The following PAK1 variants were observed in gnomAD, a reference collection of about 807,000 sequenced individuals.
PAK1 encodes the protein serine/threonine-protein kinase PAK 1.
In PAK1, 29 loss-of-function variants were observed where a neutral mutation model predicts 67.4. The ratio of observed to expected loss-of-function variants is 0.43; its 90% CI spans 0.32 to 0.59. The LOEUF (loss-of-function observed/expected upper bound fraction) is 0.59. Ranked by LOEUF, PAK1 falls within the 20% of genes least tolerant of loss-of-function variation. PAK1 has a pLI of 0.07. For missense variants in PAK1, 337 were observed against 670.7 expected (o/e 0.50, Z 5.50); for synonymous variants, 223 against 237.4 (o/e 0.94, Z 0.56).
intron 1 of PAK1, among the ~76,000 whole-genome samples, chr11:77,458,706 A>G (rs1957185928): frequency 6.6e-6 from 1 of 152,236 alleles, no homozygotes; most frequent in Non-Finnish European, 1.5e-5. Context: ...GGCTAATTTT[A>G]TAAGTCCCTA....
chr11:77,509,395 T>C, the PAK1 span, among the ~76,000 whole-genome samples: 3 of 152,352 alleles, frequency 2.0e-5, no homozygotes, highest in Non-Finnish European at 4.4e-5. Context: ...AAATGAATTA[T>C]CCATTATAAA....
the PAK1 span, among the ~76,000 whole-genome samples, chr11:77,492,191 CG>C: frequency 6.6e-6 from 1 of 151,990 alleles, no homozygotes; most frequent in Non-Finnish European, 1.5e-5. Flanking sequence ...AAAAGCTAGC[CG>C]GGCACGGTGG....
chr11:77,327,235 C>A (rs1022645052), intron 14 of PAK1, among the ~76,000 whole-genome samples: 25 of 152,124 alleles, frequency 1.6e-4, no homozygotes, highest in African/African-American at 6.0e-4. Context: ...GGAGAACTTC[C>A]CCAATCTAGC....
intron 1 of PAK1, among the ~76,000 whole-genome samples, chr11:77,453,516 T>TAAA (rs35089028): frequency 2.2e-5 from 3 of 139,240 alleles, no homozygotes; most frequent in African/African-American, 5.3e-5. Context: ...TGAGATATAT[T>TAAA]AAAAAAAAAA....
At chr11:77,422,320 G>T (rs1331427344) in intron 1 of PAK1, among the ~76,000 whole-genome samples, 3 of 152,210 alleles carry the variant, frequency 2.0e-5, no homozygotes, top group South Asian at 4.1e-4. Context: ...AGCACTCTGG[G>T]GAGGCTGAAG....
Position 77,336,177 on chromosome 11 carries a change from T to A in PAK1, c.1322A>T (p.Tyr441Phe). 6.2e-7 allele frequency: 1 copy of A among 1,613,896 alleles called. No homozygotes were observed. Among genetic ancestry groups the A allele is most frequent in the Non-Finnish European group, 8.5e-7 (1 of 1,179,748 alleles). The change falls in exon 13 of 15, where the codon TAT (tyrosine) becomes TTT (phenylalanine). Residue 441 changes from tyrosine (Y) to phenylalanine (F), a missense_variant. Physicochemically the swap from Tyr to Phe is conservative, Grantham distance 22. This residue lies in a region of PAK1 where 71 missense variants were observed against 160.5 expected (regional missense o/e 0.44). Coordinates refer to ENST00000356341, the MANE Select transcript of PAK1 (RefSeq NM_002576.5). ...MAPEVVTRKA[Y>F]GPKVDIWSLG... ...GGACCAGATGTCAACCTTGGGCCCA[T>A]AGGCCTTTCGTGTCACAACCTCTGG...
chr11:77,441,994 G>C (rs1426110583), intron 1 of PAK1, among the ~76,000 whole-genome samples: 1 of 152,104 alleles, frequency 6.6e-6, no homozygotes, highest in African/African-American at 2.4e-5. Flanking sequence ...ATTAATAGTA[G>C]AAAAATGAGA....
chr11:77,497,168 A>C, the PAK1 span, among the ~76,000 whole-genome samples: 1 of 152,222 alleles, frequency 6.6e-6, no homozygotes, highest in Admixed American at 6.5e-5. Context: ...CTCCAAGTCC[A>C]GGAAGGGGAA....
chr11:77,508,726 C>T, the PAK1 span, among the ~76,000 whole-genome samples: 1 of 144,364 alleles, frequency 6.9e-6, no homozygotes, highest in Non-Finnish European at 1.5e-5. Flanking sequence ...GTGGCGCGAT[C>T]TTGGCTCACT....
chr11:77,446,278 G>A (rs905997467), intron 1 of PAK1, among the ~76,000 whole-genome samples: 43 of 152,222 alleles, frequency 2.8e-4, no homozygotes, highest in African/African-American at 4.8e-4. Context: ...TTGGGAGGCC[G>A]AGGTGGGTGG....
intron 1 of PAK1, among the ~76,000 whole-genome samples, chr11:77,439,068 G>T (rs1193681703): frequency 6.6e-6 from 1 of 152,138 alleles, no homozygotes; most frequent in South Asian, 2.1e-4. Context: ...TGAGAGGCCA[G>T]TGATTCGAAG....
intron 1 of PAK1, among the ~76,000 whole-genome samples, chr11:77,405,674 G>GACACACACAC (rs1555167119): frequency 4.0e-5 from 5 of 125,878 alleles, no homozygotes; most frequent in African/African-American, 1.1e-4. Context: ...CAGACAGACA[G>GACACACACAC]ACACACACAC....
the PAK1 span, among the ~76,000 whole-genome samples, chr11:77,483,574 A>G: frequency 6.6e-6 from 1 of 152,238 alleles, no homozygotes; most frequent in African/African-American, 2.4e-5. Context: ...AAACAGGTAC[A>G]AGGAAACTTT....
intron 14 of PAK1, among the ~76,000 whole-genome samples, chr11:77,328,862 A>G (rs1439160318): frequency 6.6e-6 from 1 of 152,188 alleles, no homozygotes; most frequent in East Asian, 1.9e-4. Flanking sequence ...TTTTGAAAGG[A>G]TCAACAAAAT....
chr11:77,334,414 A>T (rs1942303565), intron 13 of PAK1, among the ~76,000 whole-genome samples: 1 of 152,170 alleles, frequency 6.6e-6, no homozygotes, highest in Non-Finnish European at 1.5e-5. Context: ...ATATTCAAGG[A>T]TGACATGAGC....
intron 5 of PAK1, among the ~76,000 whole-genome samples, chr11:77,363,101 A>G (rs1422804228): frequency 4.6e-5 from 7 of 152,214 alleles, no homozygotes; most frequent in Non-Finnish European, 2.9e-5. Flanking sequence ...ACAGTCAAGG[A>G]TAAGACTATA....
At chr11:77,368,591 A>G (rs2136841759) in intron 5 of PAK1, among the ~76,000 whole-genome samples, 1 of 152,364 alleles carries the variant, frequency 6.6e-6, no homozygotes, top group South Asian at 2.1e-4. Context: ...GGAAGATCCC[A>G]GAATGAGAGC....
chr11:77,396,277 C>T (rs1770099708), intron 1 of PAK1, among the ~76,000 whole-genome samples: 1 of 152,224 alleles, frequency 6.6e-6, no homozygotes, highest in Non-Finnish European at 1.5e-5. Flanking sequence ...GTCATCCAGT[C>T]TATGCTTGAA....
intron 1 of PAK1, among the ~76,000 whole-genome samples, chr11:77,436,873 G>A (rs1565702307): frequency 1.3e-5 from 2 of 152,126 alleles, no homozygotes; most frequent in Admixed American, 6.5e-5. Context: ...AGTATAGCTG[G>A]AAGCATCATG....
Sources: allele counts gnomAD v4.1 joint callset (sites outside exome capture counted in the v4.1 genomes callset), GRCh38; gene constraint gnomAD v4.1.1; regional missense constraint gnomAD v4.1.1; transcripts MANE v1.5; gene names NCBI Gene and HGNC (gene_info 2026-07-23, HGNC 2026-07-21).